DHRSX: variants seen among roughly 807,000 people sequenced by gnomAD.
DHRSX encodes the protein polyprenol dehydrogenase.
A neutral mutation model predicts 34.0 loss-of-function variants in DHRSX; 31 were observed. That is an observed-to-expected ratio of 0.91 (90% CI 0.69 to 1.23). The LOEUF is 1.23. Among genes scored for constraint, DHRSX ranks in the 50% most tolerant of loss-of-function variants. DHRSX has a pLI of 0.00. For synonymous variants in DHRSX, 201 were observed against 183.8 expected (o/e 1.09, Z -0.76); for missense variants, 414 against 428.1 (o/e 0.97, Z 0.29).
Position 2,472,715 on chromosome X carries a change from A to G in DHRSX, c.109+28102T>C, listed in dbSNP as rs181909540. Among the ~76,000 whole-genome samples, 474 of 151,924 alleles carry G rather than the reference A, an allele frequency of 3.1e-3. 8 individuals carry two copies. Among genetic ancestry groups the G allele is most frequent in the African/African-American group, 0.01 (419 of 41,412 alleles). The stretch of plus-strand genomic sequence containing the variant: ...ACCCGGGAGACGGAGGTTGCAGTGA[A>G]CCCAGATCATACCATTGCACTCCAG... On this transcript the variant is annotated intron_variant, in intron 1 of 6. Coordinates refer to ENST00000334651, the MANE Select transcript of DHRSX (RefSeq NM_145177.3).
intron 6 of DHRSX, among the ~76,000 whole-genome samples, chrX:2,235,882 G>C (rs1366169011): frequency 1.3e-5 from 2 of 149,896 alleles, no homozygotes; most frequent in East Asian, 4.0e-4. Flanking sequence ...GGGAGACCGA[G>C]GCGGGCGGAT....
intron 3 of DHRSX, among the ~76,000 whole-genome samples, chrX:2,301,184 C>T (rs371275386): frequency 6.6e-6 from 1 of 152,190 alleles, no homozygotes; most frequent in Non-Finnish European, 1.5e-5. Context: ...GAGGCTGAGG[C>T]GGGCGATCAC....
chrX:2,283,500 C>T (rs1206608143), intron 4 of DHRSX, among the ~76,000 whole-genome samples: 1 of 152,124 alleles, frequency 6.6e-6, no homozygotes, highest in African/African-American at 2.4e-5. Flanking sequence ...GGGAGGGAGA[C>T]CAGATGACTG....
intron 3 of DHRSX, among the ~76,000 whole-genome samples, chrX:2,326,813 T>C (rs1255685483): frequency 2.0e-5 from 3 of 151,676 alleles, no homozygotes; most frequent in Admixed American, 6.6e-5. Flanking sequence ...GTTTTTCTTT[T>C]TTTTTTTTTT....
intron 5 of DHRSX, among the ~76,000 whole-genome samples, chrX:2,244,311 C>T (rs2016228174): frequency 6.6e-6 from 1 of 151,946 alleles, no homozygotes; most frequent in Non-Finnish European, 1.5e-5. Flanking sequence ...GCCTCTCTCT[C>T]TCTCTCTGGT....
intron 1 of DHRSX, among the ~76,000 whole-genome samples, chrX:2,479,915 C>T (rs1451778043): frequency 2.6e-5 from 4 of 152,182 alleles, no homozygotes; most frequent in Non-Finnish European, 4.4e-5. Flanking sequence ...AAGGGACGGA[C>T]GCCATGGACA....
intron 1 of DHRSX, among the ~76,000 whole-genome samples, chrX:2,438,998 AGCCCAGCGTGGTG>A (rs1166727765): frequency 6.6e-6 from 1 of 151,792 alleles, no homozygotes; most frequent in African/African-American, 2.4e-5. Context: ...CACAAAAATT[AGCCCAGCGTGGTG>A]GCTGGCGCCT....
intron 1 of DHRSX, among the ~76,000 whole-genome samples, chrX:2,453,542 T>C (rs5982924): frequency 0.61 from 92,659 of 151,092 alleles, 30,778 homozygotes; most frequent in African/African-American, 0.89. Context: ...TGTGGTGGTG[T>C]GCACCTGTAC....
rs183379426 is a variant in DHRSX, at chrX:2,245,864, A to T, written c.597-2634T>A. Among the ~76,000 whole-genome samples the T allele has an allele frequency of 2.4e-3, 365 of 149,540 alleles. 4 individuals carry two copies. The highest frequency in any genetic ancestry group is 8.3e-3 in the African/African-American group (338 of 40,934). On this transcript the variant is annotated intron_variant, in intron 5 of 6. Transcript: ENST00000334651. ...GTAGTCCCAGCTACTCCGGAGGCTGAGGCAGGATAATTGCTTGAACCTGGG... is the reference window on the plus strand; with the variant it reads ...GTAGTCCCAGCTACTCCGGAGGCTGTGGCAGGATAATTGCTTGAACCTGGG...
At chrX:2,465,666 G>C (rs1469693963) in intron 1 of DHRSX, among the ~76,000 whole-genome samples, 1 of 151,598 alleles carries the variant, frequency 6.6e-6, no homozygotes, top group Non-Finnish European at 1.5e-5. Context: ...AGAAAAATCA[G>C]GGTGTAGGGG....
intron 1 of DHRSX, 128 bp from the exon 2 acceptor site, chrX:2,425,432 C>T (rs2043832506): frequency 1.3e-6 from 1 of 787,712 alleles, no homozygotes; most frequent in Non-Finnish European, 2.1e-6. Context: ...GGTTCTGTTC[C>T]TCTTGAATTC....
In DHRSX at chrX:2,266,721, AT is replaced by A; in HGVS notation, c.596+18del. ...ACCCACCTGAGATGCTGTTATGATT[AT>A]TCACAGGGTGCACCTACCTGCTCTG... On this transcript the variant is annotated intron_variant, in intron 5 of 6. Transcript: ENST00000334651. The A allele has an allele frequency of 6.2e-7, 1 of 1,612,370 alleles. No homozygotes were observed. Among genetic ancestry groups the A allele is most frequent in the South Asian group, 1.1e-5 (1 of 91,042 alleles).
intron 6 of DHRSX, among the ~76,000 whole-genome samples, chrX:2,236,481 G>T (rs2016018225): frequency 6.6e-6 from 1 of 152,084 alleles, no homozygotes; most frequent in Non-Finnish European, 1.5e-5. Flanking sequence ...ACCCAGGCTG[G>T]AGTGCAGTGG....
intron 4 of DHRSX, among the ~76,000 whole-genome samples, chrX:2,277,160 A>AAG (rs759817400): frequency 5.3e-4 from 2 of 3,796 alleles, no homozygotes; most frequent in African/African-American, 4.7e-3. Context: ...AAATAGGGGA[A>AAG]AGAGAGAAAG....
intron 1 of DHRSX, among the ~76,000 whole-genome samples, chrX:2,459,220 T>G (rs767004612): frequency 1.3e-4 from 19 of 151,972 alleles, no homozygotes; most frequent in Non-Finnish European, 2.5e-4. Context: ...CACACAGTGA[T>G]TATAGTTAAT....
intron 3 of DHRSX, among the ~76,000 whole-genome samples, chrX:2,342,097 C>T (rs1464695547): frequency 6.6e-6 from 1 of 152,106 alleles, no homozygotes; most frequent in African/African-American, 2.4e-5. Flanking sequence ...TGAGCCACCT[C>T]GCCCGGCCGA....
chrX:2,347,414 C>T (rs1017500383), intron 3 of DHRSX, among the ~76,000 whole-genome samples: 5 of 152,206 alleles, frequency 3.3e-5, no homozygotes, highest in Non-Finnish European at 7.3e-5. Context: ...AGATTTGGGG[C>T]CGGGCGCGGT....
intron 5 of DHRSX, chrX:2,261,285 T>C (rs1317251266): frequency 6.6e-6 from 1 of 152,156 alleles, no homozygotes; most frequent in Non-Finnish European, 1.5e-5. Context: ...TATGTGTTTT[T>C]ATAGGAATAA....
At chrX:2,308,779 G>A (rs1356793491) in intron 3 of DHRSX, among the ~76,000 whole-genome samples, 2 of 151,188 alleles carry the variant, frequency 1.3e-5, no homozygotes, top group Admixed American at 6.6e-5. Flanking sequence ...AAAGAGGGAA[G>A]GGGAGGGGAG....
Sources: allele counts gnomAD v4.1 joint callset (sites outside exome capture counted in the v4.1 genomes callset), GRCh38; gene constraint gnomAD v4.1.1; transcripts MANE v1.5; gene names NCBI Gene and HGNC (gene_info 2026-07-23, HGNC 2026-07-21).